AFMID: variants seen among roughly 807,000 people sequenced by gnomAD.
The protein encoded by AFMID is arylformamidase, also known as kynurenine formamidase.
Under a neutral mutation model 47.5 loss-of-function variants are expected in AFMID, and 39 were observed. The ratio of observed to expected loss-of-function variants is 0.82; its 90% CI spans 0.64 to 1.07. The LOEUF is 1.07. Ranked by LOEUF, AFMID falls within the 50% of genes least tolerant of loss-of-function variation. The pLI, the probability that AFMID is intolerant of heterozygous loss-of-function variation, is 0.00. For missense variants in AFMID, 375 were observed against 387.5 expected (o/e 0.97, Z 0.27); for synonymous variants, 130 against 153.2 (o/e 0.85, Z 1.12).
In AFMID at chr17:78,207,103, T is replaced by C; in HGVS notation, c.*166T>C. ...TCCATTCTCACTGCTGGGACACTCATGAAAATCTCCACGTCCTCCCTCTTC... is the reference window on the plus strand; with the variant it reads ...TCCATTCTCACTGCTGGGACACTCACGAAAATCTCCACGTCCTCCCTCTTC... On this transcript the variant is annotated 3_prime_UTR_variant, in exon 11 of 11. Coordinates refer to ENST00000409257, the MANE Select transcript of AFMID (RefSeq NM_001010982.5). The C allele has an allele frequency of 1.3e-6, 1 of 741,390 alleles. No individual in the cohort carries two copies. The highest frequency in any genetic ancestry group is 2.3e-6 in the Non-Finnish European group (1 of 431,688). 45.9% of individuals were successfully genotyped at this position (741,390 alleles called of 1,614,324 possible).
intron 4 of AFMID, chr17:78,203,020 A>C: frequency 6.5e-6 from 2 of 309,068 alleles, no homozygotes; most frequent in Non-Finnish European, 1.2e-5. Flanking sequence ...TTCACATGTG[A>C]TCCTGGTGTT....
chr17:78,204,686 G>C lies in AFMID; in HGVS notation c.339G>C (p.Pro113=). ...ATGAGTCTGCCTTCATGGTCCACCC[G>C]CTGACGGCACAGGGAGTGGCCGTGG... is the stretch of plus-strand genomic sequence containing the variant. ...SKDESAFMVH[P]LTAQGVAVVI... Residue 113 remains proline, a synonymous_variant, in exon 5 of 11, where the codon CCG becomes CCC. Transcript: ENST00000409257. 6.2e-7 allele frequency: 1 copy of C among 1,614,156 alleles called. No individual in the cohort carries two copies. The highest frequency in any genetic ancestry group is 8.5e-7 in the Non-Finnish European group (1 of 1,180,022).
Position 78,188,368 on chromosome 17 carries a change from G to T in AFMID, c.63+935G>T, listed in dbSNP as rs933421369. Among the ~76,000 whole-genome samples the T allele has an allele frequency of 2.0e-5, 3 of 152,262 alleles. No individual in the cohort carries two copies. The East Asian group carries it at 5.8e-4, about 29-fold the overall frequency. On this transcript the variant is annotated intron_variant, in intron 1 of 10. Transcript: ENST00000409257. The stretch of plus-strand genomic sequence containing the variant: ...AGGAAGAAGCAACCCACACTGACTG[G>T]CTTGCTTTATTTTACTCGCATGCTT...
chr17:78,187,605 C>T (rs1017450586), intron 1 of AFMID, among the ~76,000 whole-genome samples, 172 bp downstream of exon 1: 1 of 152,048 alleles, frequency 6.6e-6, no homozygotes, highest in African/African-American at 2.4e-5. Flanking sequence ...ATTTTACCTT[C>T]TCCTAAGGAT....
chr17:78,191,764 A>T (rs1182300110), intron 2 of AFMID, among the ~76,000 whole-genome samples: 1 of 146,138 alleles, frequency 6.8e-6, no homozygotes, highest in East Asian at 2.2e-4. Flanking sequence ...ATCTCAGCTC[A>T]CTGCAACCTC....
At chr17:78,192,202 G>A (rs1474052301) in intron 2 of AFMID, among the ~76,000 whole-genome samples, 2 of 146,318 alleles carry the variant, frequency 1.4e-5, no homozygotes, top group African/African-American at 5.1e-5. Flanking sequence ...GTAGAGATAT[G>A]GTTTCTCCAT....
chr17:78,190,073 C>T (rs568382031), intron 1 of AFMID, among the ~76,000 whole-genome samples: 7 of 146,118 alleles, frequency 4.8e-5, no homozygotes, highest in East Asian at 4.2e-4. Flanking sequence ...CTCGTGATCC[C>T]GCCTCCGCCT....
intron 2 of AFMID, among the ~76,000 whole-genome samples, chr17:78,191,810 T>C (rs1015853615): frequency 2.0e-5 from 3 of 151,612 alleles, no homozygotes; most frequent in Middle Eastern, 3.4e-3. Flanking sequence ...CTGACTCAGC[T>C]TCCTGAGTAG....
At chr17:78,197,775 C>A (rs544712895) in intron 2 of AFMID, among the ~76,000 whole-genome samples, 4 of 151,968 alleles carry the variant, frequency 2.6e-5, no homozygotes, top group South Asian at 4.1e-4. Context: ...ACTCTAGACC[C>A]AGGACAAGCA....
intron 1 of AFMID, among the ~76,000 whole-genome samples, chr17:78,187,751 A>G (rs923221988): frequency 6.6e-6 from 1 of 152,060 alleles, no homozygotes; most frequent in Non-Finnish European, 1.5e-5. Flanking sequence ...CAGGAGTTCG[A>G]GACCAGCCTG....
intron 1 of AFMID, among the ~76,000 whole-genome samples, chr17:78,188,358 A>G (rs569533243): frequency 6.6e-6 from 1 of 152,316 alleles, no homozygotes; most frequent in African/African-American, 2.4e-5. Flanking sequence ...GAAGCAACCC[A>G]CACTGACTGG....
intron 1 of AFMID, among the ~76,000 whole-genome samples, chr17:78,189,605 G>A (rs1467082553): frequency 6.7e-6 from 1 of 150,206 alleles, no homozygotes; most frequent in Non-Finnish European, 1.5e-5. Context: ...TACAATCTCT[G>A]CTTCCTGGGC....
chr17:78,197,144 A>G, intron 2 of AFMID: 1 of 1,549,878 alleles, frequency 6.5e-7, no homozygotes, highest in Non-Finnish European at 8.7e-7. Flanking sequence ...GTCCATTTAT[A>G]GGCTTGAGAA....
intron 2 of AFMID, 49 bp downstream of exon 2, chr17:78,191,109 G>C: frequency 6.5e-7 from 1 of 1,528,962 alleles, no homozygotes; most frequent in Non-Finnish European, 9.0e-7. Flanking sequence ...TTAAGCATGT[G>C]GCAGTGATTC....
At chr17:78,196,350 G>C (rs2076114007) in intron 2 of AFMID, among the ~76,000 whole-genome samples, 1 of 151,812 alleles carries the variant, frequency 6.6e-6, no homozygotes, top group South Asian at 2.1e-4. Flanking sequence ...GGGTGACAAA[G>C]CGAGACCTTG....
intron 1 of AFMID, among the ~76,000 whole-genome samples, chr17:78,188,164 A>AAAAG (rs543379326): frequency 6.6e-6 from 1 of 151,974 alleles, no homozygotes; most frequent in African/African-American, 2.4e-5. Context: ...CTCAAAAAAA[A>AAAAG]AAAGAAAGAA....
At chr17:78,204,555 C>G in intron 4 of AFMID, 101 bp from the exon 5 acceptor site, 1 of 1,096,934 alleles carries the variant, frequency 9.1e-7, no homozygotes, top group Non-Finnish European at 1.4e-6. Flanking sequence ...AGGGGTGATG[C>G]TGTGCGTGGA....
At chr17:78,205,356 C>G (rs932079223) in intron 7 of AFMID, 84 bp from the exon 8 acceptor site, 13 of 1,520,944 alleles carry the variant, frequency 8.5e-6, no homozygotes, top group East Asian at 6.8e-5. Context: ...TTCCCCTGGT[C>G]CTGCCCCTCT....
chr17:78,201,416 C>T (rs1427926056), intron 2 of AFMID, among the ~76,000 whole-genome samples: 2 of 151,860 alleles, frequency 1.3e-5, no homozygotes, highest in Non-Finnish European at 1.5e-5. Context: ...AGGTTGAGCT[C>T]GAGACCAGCC....
Sources: allele counts gnomAD v4.1 joint callset (sites outside exome capture counted in the v4.1 genomes callset), GRCh38; gene constraint gnomAD v4.1.1; transcripts MANE v1.5; gene names NCBI Gene and HGNC (gene_info 2026-07-23, HGNC 2026-07-21).